Variants in PRKD1 observed in about 807,000 individuals in gnomAD.
PRKD1 encodes protein kinase D1, also known as serine/threonine-protein kinase D1.
PRKD1 carries 63 observed loss-of-function variants against 95.9 expected under a neutral mutation model. The ratio of observed to expected loss-of-function variants is 0.66; its 90% confidence interval spans 0.54 to 0.81. The LOEUF (loss-of-function observed/expected upper bound fraction) is 0.81. PRKD1 is among the 30% of genes least tolerant of loss of function. The pLI, the probability that PRKD1 is intolerant of heterozygous loss-of-function variation, is 0.00. For synonymous variants in PRKD1, 425 were observed against 423.1 expected, an observed-to-expected ratio of 1.00 and a Z score of -0.05; for missense variants, 1,048 against 1,165.3, an observed-to-expected ratio of 0.90 and a Z score of 1.47.
At chr14:29,847,384 A>T (rs1892121003) in intron 1 of PRKD1, among the ~76,000 whole-genome samples, 1 of 152,156 alleles carries the variant, frequency 6.6e-6, no homozygotes, top group South Asian at 2.1e-4. Flanking sequence ...CATATACAAC[A>T]TGAGGTTCTT....
intron 1 of PRKD1, among the ~76,000 whole-genome samples, chr14:29,841,330 A>G (rs1427085481): frequency 1.3e-5 from 2 of 152,114 alleles, no homozygotes; most frequent in Non-Finnish European, 1.5e-5. Flanking sequence ...TAAAAAGGAC[A>G]TGAGATTTTG....
chr14:29,750,271 G>T (rs1321822735), intron 1 of PRKD1, among the ~76,000 whole-genome samples: 1 of 152,118 alleles, frequency 6.6e-6, no homozygotes, highest in Non-Finnish European at 1.5e-5. Context: ...TCATTGGTAG[G>T]TTCTTGGGAA....
intron 2 of PRKD1, among the ~76,000 whole-genome samples, chr14:29,701,886 T>A (rs1441978530): frequency 6.6e-6 from 1 of 152,182 alleles, no homozygotes; most frequent in Admixed American, 6.5e-5. Flanking sequence ...GTCTCAGACT[T>A]AAATCCTCTT....
At chr14:29,602,063 TA>T (rs1380724133) in intron 13 of PRKD1, among the ~76,000 whole-genome samples, 2 of 152,218 alleles carry the variant, frequency 1.3e-5, no homozygotes, top group Non-Finnish European at 2.9e-5. Flanking sequence ...TGTAAGCACT[TA>T]AGCAGTGTTC....
intron 2 of PRKD1, among the ~76,000 whole-genome samples, chr14:29,699,406 C>T (rs1285579444): frequency 6.6e-6 from 1 of 152,006 alleles, no homozygotes; most frequent in Non-Finnish European, 1.5e-5. Context: ...TGAGGTTGGC[C>T]ATTTTTTTTC....
At chr14:29,853,588 T>A (rs1381609694) in intron 1 of PRKD1, among the ~76,000 whole-genome samples, 1 of 152,184 alleles carries the variant, frequency 6.6e-6, no homozygotes, top group Non-Finnish European at 1.5e-5. Flanking sequence ...ACACCGAAGG[T>A]CTTTGCACTA....
At chr14:29,926,424 G>GA (rs1468026046) in intron 1 of PRKD1, among the ~76,000 whole-genome samples, 3 of 152,226 alleles carry the variant, frequency 2.0e-5, no homozygotes, top group Admixed American at 1.3e-4. Context: ...GAGGCAACCT[G>GA]AAAATCCAAA....
chr14:29,683,601 A>G (rs1231369440), intron 2 of PRKD1, among the ~76,000 whole-genome samples: 2 of 152,242 alleles, frequency 1.3e-5, no homozygotes, highest in Admixed American at 6.5e-5. Flanking sequence ...AAGAGGAGGC[A>G]AGAATTCAAG....
At chr14:29,796,679 G>A (rs1183528074) in intron 1 of PRKD1, among the ~76,000 whole-genome samples, 1 of 152,088 alleles carries the variant, frequency 6.6e-6, no homozygotes, top group Non-Finnish European at 1.5e-5. Flanking sequence ...CTAATGCTCT[G>A]GATAGGTCAA....
intron 1 of PRKD1, among the ~76,000 whole-genome samples, chr14:29,899,440 A>C (rs544296861): frequency 6.6e-6 from 1 of 152,264 alleles, no homozygotes; most frequent in South Asian, 2.1e-4. Flanking sequence ...TAAGGCCCGG[A>C]GTTCAAGAAC....
intron 2 of PRKD1, among the ~76,000 whole-genome samples, chr14:29,666,644 T>C (rs1217995294): frequency 1.3e-5 from 2 of 151,928 alleles, no homozygotes; most frequent in Admixed American, 1.3e-4. Flanking sequence ...TATCCTTGAG[T>C]TTGACAATGA....
rs538204865 is a variant in PRKD1 at position 29,617,744 on chromosome 14, T to C, written c.1905+6408A>G. ...TAAATTATAAAATACATTAAATATATCATACTAGTGTTATTTGCTTTAGAT... is the reference window on the plus strand; with the variant it reads ...TAAATTATAAAATACATTAAATATACCATACTAGTGTTATTTGCTTTAGAT... On this transcript the variant is annotated intron_variant, in intron 13 of 17. Transcript: ENST00000331968. 3.9e-5 allele frequency among the ~76,000 whole-genome samples: 6 copies of C among 152,198 alleles called. No individual in the cohort carries two copies. In the South Asian group the frequency reaches 1.0e-3, roughly 26 times the overall value.
intron 16 of PRKD1, among the ~76,000 whole-genome samples, chr14:29,588,607 G>A (rs1240294379): frequency 1.3e-5 from 2 of 152,144 alleles, no homozygotes; most frequent in Admixed American, 6.6e-5. Flanking sequence ...TGCTTATCAG[G>A]AAAAAGAAGC....
intron 1 of PRKD1, among the ~76,000 whole-genome samples, chr14:29,874,598 A>G (rs750282348): frequency 3.3e-5 from 5 of 152,184 alleles, no homozygotes; most frequent in Non-Finnish European, 7.4e-5. Context: ...GTGTCCATCA[A>G]TGGGCAAAAA....
chr14:29,728,692 T>G (rs1474308019), intron 1 of PRKD1, among the ~76,000 whole-genome samples: 1 of 152,164 alleles, frequency 6.6e-6, no homozygotes, highest in Admixed American at 6.5e-5. Flanking sequence ...GACATTGTAG[T>G]CTTTTTTTCC....
intron 1 of PRKD1, among the ~76,000 whole-genome samples, chr14:29,819,972 C>A (rs547926689): frequency 7.4e-4 from 113 of 152,334 alleles, no homozygotes; most frequent in Non-Finnish European, 1.5e-3. Context: ...ACTTTGTAGA[C>A]TGTCACAGAC....
At chr14:29,579,629 C>T (rs529871541) in intron 16 of PRKD1, among the ~76,000 whole-genome samples, 105 of 152,154 alleles carry the variant, frequency 6.9e-4, no homozygotes, top group Non-Finnish European at 1.2e-3. Context: ...AATCAGAATC[C>T]TTCCCAGTGT....
At chr14:29,793,866 A>C (rs1376740080) in intron 1 of PRKD1, among the ~76,000 whole-genome samples, 1 of 152,128 alleles carries the variant, frequency 6.6e-6, no homozygotes, top group African/African-American at 2.4e-5. Flanking sequence ...GGTAAAATTA[A>C]GGAGAGAAAA....
intron 2 of PRKD1, among the ~76,000 whole-genome samples, chr14:29,711,848 C>T (rs539599324): frequency 7.2e-5 from 11 of 152,206 alleles, no homozygotes; most frequent in South Asian, 2.1e-4. Context: ...ACTTTTCATG[C>T]CCTGACTTCA....
Sources: gnomAD v4.1 joint callset for allele counts (sites outside exome capture counted in the v4.1 genomes callset) on GRCh38, gnomAD v4.1.1 for gene constraint, MANE v1.5 for transcripts, NCBI Gene and HGNC (gene_info 2026-07-23, HGNC 2026-07-21) for gene names.